The following ATG4D variants were observed in gnomAD, a reference collection of about 807,000 sequenced individuals.
ATG4D encodes the protein cysteine protease ATG4D.
A neutral mutation model predicts 55.2 loss-of-function variants in ATG4D; 51 were observed. The ratio of observed to expected loss-of-function variants is 0.92; its 90% CI spans 0.74 to 1.17. The LOEUF (loss-of-function observed/expected upper bound fraction) is 1.17, where lower values mean the gene tolerates loss of function less well. Ranked by LOEUF, ATG4D falls within the 50% of genes most tolerant of loss-of-function variation. The probability of loss-of-function intolerance (pLI) is 0.00; values close to 1 mark genes in which losing one functional copy is unlikely to be tolerated. For missense variants in ATG4D, 635 were observed against 649.6 expected, an observed-to-expected ratio of 0.98 and a Z score of 0.25; for synonymous variants, 268 against 266.2, an observed-to-expected ratio of 1.01 and a Z score of -0.07.
intron 1 of ATG4D, 200 bp from the exon 2 acceptor site, chr19:10,544,583 A>C (rs1166377775): frequency 4.3e-6 from 5 of 1,163,584 alleles, no homozygotes; most frequent in Non-Finnish European, 5.8e-6. Context: ...TACAATAATC[A>C]GAACTACCTT....
chr19:10,550,053 G>A (rs568783125), intron 6 of ATG4D, among the ~76,000 whole-genome samples: 2 of 152,080 alleles, frequency 1.3e-5, no homozygotes, highest in African/African-American at 4.8e-5. Context: ...TCTTGCCCAC[G>A]CTGGAGTGCA....
chr19:10,545,025 C>A lies in ATG4D; in HGVS notation c.388C>A (p.Pro130Thr). The change falls in exon 3 of 10, where the codon CCC (proline) becomes ACC (threonine). Residue 130 changes from proline (P) to threonine (T), a missense_variant. By Grantham distance (38) the Pro-to-Thr change is conservative (BLOSUM62 -1). Transcript: ENST00000309469. ...LWLTYRRDFP[P>T]LPGGCLTSDC... is the part of the protein sequence containing the mutation. ...GCTCACATACCGCCGGGACTTCCCG[C>A]CCCTTCCTGGGGGCTGCCTGACCTC... is the stretch of plus-strand genomic sequence containing the variant. 1.2e-6 allele frequency: 2 copies of A among 1,611,904 alleles called. No individual in the cohort carries two copies. Among genetic ancestry groups the A allele is most frequent in the Non-Finnish European group, 1.7e-6 (2 of 1,179,012 alleles).
At position 10,543,956 on chromosome 19, in the gene ATG4D, GC is replaced by G; in HGVS notation, c.-133del. On this transcript the variant is annotated 5_prime_UTR_variant, in exon 1 of 10. An upstream open reading frame in the 5' UTR loses its in-frame stop. Transcript: ENST00000309469. ...TGCGGTAGCAGCGGCGGCGGCTGTT[GC>G]CTGGCCCGGTACCCTGGGGACGGGG... 1 of 508,100 alleles carries G rather than the reference GC, an allele frequency of 2.0e-6. No homozygotes were observed. Among genetic ancestry groups the G allele is most frequent in the Non-Finnish European group, 3.0e-6 (1 of 331,976 alleles). 31.5% of individuals were successfully genotyped at this position (508,100 alleles called of 1,614,324 possible).
rs1289910643 is a variant in ATG4D, at chr19:10,544,850, C to A, written c.303C>A (p.Tyr101Ter). Reference sequence around the variant, plus strand: ...GCATCCACCTCTGTGGCCGCCGCTACCGTTTCGAGGGCGAGGGTGAGCTGG... The same window carrying A: ...GCATCCACCTCTGTGGCCGCCGCTAACGTTTCGAGGGCGAGGGTGAGCTGG... ...ISSIHLCGRRYRFEGEGDIQR... is the reference protein window; with the variant it reads ...ISSIHLCGRR Residue 101 changes from tyrosine to a stop codon, truncating the protein, a stop_gained, in exon 2 of 10, where the codon TAC (tyrosine) becomes TAA (stop). Transcript: ENST00000309469. LOFTEE classifies it high-confidence loss of function. 1.2e-6 allele frequency: 2 copies of A among 1,611,958 alleles called. No homozygotes were observed. Among genetic ancestry groups the A allele is most frequent in the Admixed American group, 3.4e-5 (2 of 59,698 alleles).
chr19:10,553,177 C>A lies in ATG4D; in HGVS notation c.*110C>A. 2 of 1,340,870 alleles carry A rather than the reference C, an allele frequency of 1.5e-6. No homozygotes were observed. Among genetic ancestry groups the A allele is most frequent in the South Asian group, 1.5e-5 (1 of 68,522 alleles). The allele number at this position is 1,340,870 out of a possible 1,614,324, so 83.1% of individuals were successfully genotyped here. A position where few individuals can be genotyped will look rare whatever the true frequency, so the allele number is the denominator to read the frequency against. ...GATGATGGTACTTCCTGTTGTCAGCCCCTCAAGCCCAGCTGCAACCAGTCT... is the reference window on the plus strand; with the variant it reads ...GATGATGGTACTTCCTGTTGTCAGCACCTCAAGCCCAGCTGCAACCAGTCT... On this transcript the variant is annotated 3_prime_UTR_variant, in exon 10 of 10. Transcript: ENST00000309469.
chr19:10,544,107 C>A lies in ATG4D; in HGVS notation c.17C>A (p.Pro6Gln). 8.1e-7 allele frequency: 1 copy of A among 1,241,092 alleles called. No homozygotes were observed. Among genetic ancestry groups the A allele is most frequent in the Non-Finnish European group, 1.0e-6 (1 of 985,628 alleles). The allele number at this position is 1,241,092 out of a possible 1,614,324, so 76.9% of individuals were successfully genotyped here. A position where few individuals can be genotyped will look rare whatever the true frequency, so the allele number is the denominator to read the frequency against. MNSVS[P>Q]AAAQYRSSSP... ...GGCGCGTCCATGAACTCAGTGTCGC[C>A]GGCCGCCGCGCAGTACCGGAGCAGC... Residue 6 changes from proline to glutamine, a missense_variant, in exon 1 of 10, where the codon CCG (proline) becomes CAG (glutamine). Pro to Gln is a moderately conservative substitution (Grantham distance 76, BLOSUM62 -1). Transcript: ENST00000309469.
Position 10,545,100 on chromosome 19 carries a change from C to T in ATG4D, c.463C>T (p.Gln155Ter). The T allele has an allele frequency of 1.2e-6, 2 of 1,612,008 alleles. No individual in the cohort carries two copies. The highest frequency in any genetic ancestry group is 2.2e-5 in the South Asian group (2 of 91,082). ...MLRSGQMMLA[Q>*]GLLLHFLPRD... ...ACGCAGCGGCCAGATGATGCTGGCACAGGGCCTTCTGCTGCATTTCCTGCC... is the reference window on the plus strand; with the variant it reads ...ACGCAGCGGCCAGATGATGCTGGCATAGGGCCTTCTGCTGCATTTCCTGCC... The change falls in exon 3 of 10, where the codon CAG becomes TAG. Residue 155 changes from glutamine to a stop codon, truncating the protein, a stop_gained. Transcript: ENST00000309469. LOFTEE classifies it high-confidence loss of function.
At position 10,551,901 on chromosome 19, in the gene ATG4D, T is replaced by A; in HGVS notation, c.971T>A (p.Leu324His). The change falls in exon 7 of 10, where the codon CTC becomes CAC. Residue 324 changes from leucine (L) to histidine (H), a missense_variant. Transcript: ENST00000309469. ...NPVYVPCVKE[L>H]LRCELCLGIM... is the part of the protein sequence containing the mutation. ...TGCCTACCCTCCTCCCTGCAGGAAC[T>A]CCTGCGTTGCGAGCTGTGCCTGGGC... 1 of 1,613,906 alleles carries A rather than the reference T, an allele frequency of 6.2e-7. No homozygotes were observed. Among genetic ancestry groups the A allele is most frequent in the South Asian group, 1.1e-5 (1 of 91,056 alleles).
Position 10,552,107 on chromosome 19 carries a change from G to A in ATG4D, c.1108G>A (p.Asp370Asn), listed in dbSNP as rs1401127662. The stretch of plus-strand genomic sequence containing the variant: ...GCCCACTGTGGATGTCAGCCAGGCC[G>A]ACTTCCCCCTGGAGGTGAGTGGGAG... Reference protein sequence around the residue: ...CQPTVDVSQADFPLESFHCTS... With the variant: ...CQPTVDVSQANFPLESFHCTS... Residue 370 changes from aspartate to asparagine, a missense_variant, in exon 8 of 10, where the codon GAC becomes AAC. Coordinates refer to ENST00000309469, the MANE Select transcript of ATG4D (RefSeq NM_032885.6). The A allele has an allele frequency of 6.2e-6, 10 of 1,611,528 alleles. No homozygotes were observed. The highest frequency in any genetic ancestry group is 2.7e-5 in the African/African-American group (2 of 74,862).
At chr19:10,547,347 A>G (rs1799870480) in intron 5 of ATG4D, 94 bp downstream of exon 5, 1 of 1,471,818 alleles carries the variant, frequency 6.8e-7, no homozygotes, top group Non-Finnish European at 9.2e-7. Flanking sequence ...AGAGGCTGGA[A>G]CAAGTTGTGG....
At chr19:10,552,429 C>G in intron 9 of ATG4D, 105 bp downstream of exon 9, 1 of 1,413,450 alleles carries the variant, frequency 7.1e-7, no homozygotes, top group Non-Finnish European at 9.4e-7. Flanking sequence ...GGTGCTGCTT[C>G]CAGGCTAGGG....
Position 10,548,003 on chromosome 19 carries a change from A to ATTTTTT in ATG4D, c.835+790_835+795dup, listed in dbSNP as rs60924749. ...TGAGCCACTGTGCCCAGCCCCTGTA[A>ATTTTTT]TTTTTTTTTTTTTTTTTTTTTTTTT... On this transcript the variant is annotated intron_variant, in intron 5 of 9. Coordinates refer to ENST00000309469, the MANE Select transcript of ATG4D (RefSeq NM_032885.6). Among the ~76,000 whole-genome samples, 12 of 35,000 alleles carry ATTTTTT rather than the reference A, an allele frequency of 3.4e-4. 3 individuals are homozygous for ATTTTTT. Among genetic ancestry groups the ATTTTTT allele is most frequent in the Admixed American group, 4.5e-4 (1 of 2,238 alleles). The allele number at this position is 35,000 out of a possible 152,430, so 23.0% of individuals were successfully genotyped here. A position where few individuals can be genotyped will look rare whatever the true frequency, so the allele number is the denominator to read the frequency against.
In ATG4D at chr19:10,551,882, C is replaced by T. The variant is rs184062077; in HGVS notation, c.967-15C>T. On this transcript the variant is annotated splice_polypyrimidine_tract_variant and intron_variant, in intron 6 of 9. Transcript: ENST00000309469. ...GTGGCTGCCTGACAGCACCTGCCTA[C>T]CCTCCTCCCTGCAGGAACTCCTGCG... is the stretch of plus-strand genomic sequence containing the variant. The T allele has an allele frequency of 9.8e-5, 158 of 1,613,512 alleles. No individual in the cohort carries two copies. The highest frequency in any genetic ancestry group is 1.7e-4 in the Middle Eastern group (1 of 5,962).
In ATG4D at chr19:10,551,944, G is replaced by T. The variant is rs757850708; in HGVS notation, c.1014G>T (p.Pro338=). 7 of 1,613,686 alleles carry T rather than the reference G, an allele frequency of 4.3e-6. No individual in the cohort carries two copies. The highest frequency in any genetic ancestry group is 5.9e-6 in the Non-Finnish European group (7 of 1,179,994). The change falls in exon 7 of 10, where the codon CCG becomes CCT. Residue 338 remains proline (P), a synonymous_variant. Transcript: ENST00000309469. ...GCCTGGGCATCATGGGTGGGAAACCGCGACACTCACTGTACTTCATTGGCT... is the reference window on the plus strand; with the variant it reads ...GCCTGGGCATCATGGGTGGGAAACCTCGACACTCACTGTACTTCATTGGCT... ...ELCLGIMGGK[P]RHSLYFIGYQ... is the part of the protein sequence containing the mutation.
Position 10,552,971 on chromosome 19 carries a change from C to A in ATG4D, c.1329C>A (p.Leu443=), listed in dbSNP as rs879204355. 6.2e-7 allele frequency: 1 copy of A among 1,613,690 alleles called. No individual in the cohort carries two copies. The highest frequency in any genetic ancestry group is 1.1e-5 in the South Asian group (1 of 91,088). ...GHAQDHSLDD[L]CSQLAQPTLR... Reference sequence around the variant, plus strand: ...CTCAGGACCACAGCCTGGACGACCTCTGCTCCCAGCTCGCCCAGCCCACAC... The same window carrying A: ...CTCAGGACCACAGCCTGGACGACCTATGCTCCCAGCTCGCCCAGCCCACAC... Residue 443 remains leucine (L), a synonymous_variant, in exon 10 of 10, where the codon CTC becomes CTA. Transcript: ENST00000309469.
In ATG4D at chr19:10,545,033, T is replaced by A; in HGVS notation, c.396T>A (p.Pro132=). 6.2e-7 allele frequency: 1 copy of A among 1,612,900 alleles called. No homozygotes were observed. The highest frequency in any genetic ancestry group is 1.1e-5 in the South Asian group (1 of 91,028). Residue 132 remains proline (P), a synonymous_variant, in exon 3 of 10, where the codon CCT becomes CCA. Transcript: ENST00000309469. ...ACCGCCGGGACTTCCCGCCCCTTCC[T>A]GGGGGCTGCCTGACCTCGGACTGTG... The part of the protein sequence containing the change: ...LTYRRDFPPL[P]GGCLTSDCGW...
At chr19:10,550,523 C>T (rs73496517) in intron 6 of ATG4D, among the ~76,000 whole-genome samples, 9,172 of 152,066 alleles carry the variant, frequency 0.06, 323 homozygotes, top group Middle Eastern at 0.095. Context: ...CCACAGAGCC[C>T]GGCACTATTT....
In ATG4D at chr19:10,549,575, G is replaced by A. The variant is rs1024487072; in HGVS notation, c.966+541G>A. Among the ~76,000 whole-genome samples, 8 of 152,106 alleles carry A rather than the reference G, an allele frequency of 5.3e-5. No individual in the cohort carries two copies. The South Asian group carries it at 8.3e-4, about 16-fold the overall frequency. ...TGGGACTACAGGCGTGTGCCACCAC[G>A]CCCGGCTAACTTTTGTATTTTTAGT... is the stretch of plus-strand genomic sequence containing the variant. On this transcript the variant is annotated intron_variant, in intron 6 of 9. Transcript: ENST00000309469.
In ATG4D at chr19:10,544,296, T is replaced by C; in HGVS notation, c.206T>C (p.Phe69Ser). The change falls in exon 1 of 10, where the codon TTC becomes TCC. Residue 69 changes from phenylalanine to serine, a missense_variant. Physicochemically the swap from Phe to Ser is radical, Grantham distance 155. Coordinates refer to ENST00000309469, the MANE Select transcript of ATG4D (RefSeq NM_032885.6). ...PDEVDKFKAK[F>S]LTAWNNVKYG... is the part of the protein sequence containing the mutation. Reference sequence around the variant, plus strand: ...GAAGTGGACAAGTTCAAGGCCAAGTTCCTGACAGCCTGGAACAACGTCAAG... The same window carrying C: ...GAAGTGGACAAGTTCAAGGCCAAGTCCCTGACAGCCTGGAACAACGTCAAG... 1 of 1,301,504 alleles carries C rather than the reference T, an allele frequency of 7.7e-7. No homozygotes were observed. The highest frequency in any genetic ancestry group is 9.8e-7 in the Non-Finnish European group (1 of 1,016,946). The allele number at this position is 1,301,504 out of a possible 1,614,324, so 80.6% of individuals were successfully genotyped here. A position where few individuals can be genotyped will look rare whatever the true frequency, so the allele number is the denominator to read the frequency against.
Sources: gnomAD v4.1 joint callset for allele counts (sites outside exome capture counted in the v4.1 genomes callset) on GRCh38, gnomAD v4.1.1 for gene constraint, MANE v1.5 for transcripts, NCBI Gene and HGNC (gene_info 2026-07-23, HGNC 2026-07-21) for gene names.